KLHL32: variants seen among roughly 807,000 people sequenced by gnomAD.
KLHL32 encodes the protein kelch like family member 32.
KLHL32 carries 35 observed loss-of-function variants against 64.8 expected under a neutral mutation model. That is an observed-to-expected ratio of 0.54 (90% CI 0.41 to 0.72). KLHL32 has a LOEUF of 0.72. KLHL32 is among the 30% of genes least tolerant of loss of function. The pLI is 0.00. For missense variants in KLHL32, 589 were observed against 768.5 expected (o/e 0.77, Z 2.76); for synonymous variants, 259 against 281.0 (o/e 0.92, Z 0.78).
chr6:96,936,881 G>A (rs1036422017), intron 1 of KLHL32, among the ~76,000 whole-genome samples: 1 of 151,952 alleles, frequency 6.6e-6, no homozygotes, highest in Non-Finnish European at 1.5e-5. Flanking sequence ...CCTGCCTCCT[G>A]CCTACCCGCA....
chr6:97,093,653 A>T (rs904640629), intron 6 of KLHL32, among the ~76,000 whole-genome samples: 4 of 151,146 alleles, frequency 2.6e-5, no homozygotes, highest in South Asian at 2.1e-4. Context: ...AATGTCTCCA[A>T]TAAAGTCGTA....
At chr6:97,090,837 T>C (rs991652650) in intron 6 of KLHL32, among the ~76,000 whole-genome samples, 11 of 152,264 alleles carry the variant, frequency 7.2e-5, no homozygotes, top group African/African-American at 2.7e-4. Flanking sequence ...CTTTGGTCTA[T>C]AGCTTCTAAA....
At chr6:96,970,930 A>G (rs1407513945) in intron 2 of KLHL32, among the ~76,000 whole-genome samples, 2 of 152,154 alleles carry the variant, frequency 1.3e-5, no homozygotes, top group Non-Finnish European at 2.9e-5. Flanking sequence ...AATTTTCATG[A>G]AAAGATTTTG....
chr6:97,126,592 AG>A (rs1392294072), intron 7 of KLHL32, among the ~76,000 whole-genome samples: 1 of 152,132 alleles, frequency 6.6e-6, no homozygotes, highest in Non-Finnish European at 1.5e-5. Flanking sequence ...TGCACTGAAG[AG>A]CCCTAGATTT....
chr6:96,901,769 G>T, the KLHL32 span, among the ~76,000 whole-genome samples: 1 of 151,996 alleles, frequency 6.6e-6, no homozygotes, highest in South Asian at 2.1e-4. Context: ...AGTGTTTGTT[G>T]TTCCCCCTCC....
rs765250815 is a variant in KLHL32 at position 97,113,837 on chromosome 6, C to T, written c.682C>T (p.Leu228=). ...NCHYQYMDEL[L]QYIRFGLMDV... ...CCACTACCAGTACATGGACGAGCTC[C>T]TGCAATACATCCGCTTTGGCCTAAT... is the stretch of plus-strand genomic sequence containing the variant. Residue 228 remains leucine (L), a synonymous_variant, in exon 7 of 11, where the codon CTG becomes TTG. Transcript: ENST00000369261. The T allele has an allele frequency of 3.7e-6, 6 of 1,614,126 alleles. No homozygotes were observed. The South Asian group carries it at 6.6e-5, about 18-fold the overall frequency.
At chr6:97,084,385 G>A (rs1014799603) in intron 5 of KLHL32, among the ~76,000 whole-genome samples, 2 of 152,152 alleles carry the variant, frequency 1.3e-5, no homozygotes, top group African/African-American at 2.4e-5. Flanking sequence ...TAATTGTAGA[G>A]CCCTGGCTAT....
intron 6 of KLHL32, among the ~76,000 whole-genome samples, chr6:97,104,679 A>G (rs928324163): frequency 1.3e-5 from 2 of 152,192 alleles, no homozygotes; most frequent in African/African-American, 4.8e-5. Flanking sequence ...TTAATGTGCA[A>G]TCTCCCTTGA....
Position 97,064,633 on chromosome 6 carries a change from G to T in KLHL32, c.318G>T (p.Leu106Phe). 1.2e-6 allele frequency: 2 copies of T among 1,613,462 alleles called. No individual in the cohort carries two copies. Among genetic ancestry groups the T allele is most frequent in the South Asian group, 1.1e-5 (1 of 90,938 alleles). ...ALEFAYTGQI[L>F]LEPGVIQDVL... is the part of the protein sequence containing the mutation. ...TTTGTTAACAAACAAAACAGATTTT[G>T]CTGGAGCCAGGTGTGATCCAGGATG... is the stretch of plus-strand genomic sequence containing the variant. The change falls in exon 5 of 11, where the codon TTG (leucine) becomes TTT (phenylalanine). Residue 106 changes from leucine (L) to phenylalanine (F), a missense_variant. Coordinates refer to ENST00000369261, the MANE Select transcript of KLHL32 (RefSeq NM_052904.4).
In KLHL32 at chr6:97,064,195, C is replaced by A. The variant is rs1055205260; in HGVS notation, c.313-433C>A. Among the ~76,000 whole-genome samples, 116 of 152,116 alleles carry A rather than the reference C, an allele frequency of 7.6e-4. 1 individual carries two copies. Among genetic ancestry groups the A allele is most frequent in the African/African-American group, 2.7e-3 (112 of 41,410 alleles). On this transcript the variant is annotated intron_variant, in intron 4 of 10. Transcript: ENST00000369261. ...CTTATATGGCAAGGAGAAACATATGCCCCTTTCCCTAAAATACCTGTTTCT... is the reference window on the plus strand; with the variant it reads ...CTTATATGGCAAGGAGAAACATATGACCCTTTCCCTAAAATACCTGTTTCT...
the KLHL32 span, among the ~76,000 whole-genome samples, chr6:96,907,558 C>A: frequency 6.6e-6 from 1 of 152,148 alleles, no homozygotes; most frequent in East Asian, 1.9e-4. Context: ...ACTCTATGTA[C>A]AGGAAGCTCT....
chr6:96,966,953 G>T, intron 1 of KLHL32, 43 bp from the exon 2 acceptor site: 1 of 962,366 alleles, frequency 1.0e-6, no homozygotes. Flanking sequence ...GTGCTTTTCT[G>T]CATTTAGCTC....
At chr6:96,939,241 G>T (rs2127997890) in intron 1 of KLHL32, among the ~76,000 whole-genome samples, 4 of 152,238 alleles carry the variant, frequency 2.6e-5, no homozygotes, top group Admixed American at 2.6e-4. Context: ...TAAAAACATT[G>T]CCAGTTTTCT....
chr6:97,024,503 A>G (rs1782447920), intron 3 of KLHL32, among the ~76,000 whole-genome samples: 1 of 152,082 alleles, frequency 6.6e-6, no homozygotes, highest in African/African-American at 2.4e-5. Context: ...GTAAGTTACC[A>G]GGTAACAGTG....
At chr6:97,080,526 A>G in intron 5 of KLHL32, among the ~76,000 whole-genome samples, 1 of 152,202 alleles carries the variant, frequency 6.6e-6, no homozygotes, top group Non-Finnish European at 1.5e-5. Context: ...ATCTGCAGTT[A>G]AAGGGTGCTT....
intron 4 of KLHL32, among the ~76,000 whole-genome samples, chr6:97,058,860 T>C (rs550805216): frequency 6.6e-6 from 1 of 152,224 alleles, no homozygotes; most frequent in African/African-American, 2.4e-5. Context: ...CCAAATGTTA[T>C]TGGAAAAGTA....
chr6:97,139,126 G>A lies in KLHL32; in HGVS notation c.1707G>A (p.Leu569=). 6.2e-7 allele frequency: 1 copy of A among 1,613,378 alleles called. No homozygotes were observed. The highest frequency in any genetic ancestry group is 2.2e-5 in the East Asian group (1 of 44,834). ...CTTCTCTTCCTCTTTTGTAGGTACT[G>A]GATGTAAGCAGAGAAGGCAAAGAAG... ...TNEPLACIQV[L]DVSREGKEEV... is the part of the protein sequence containing the mutation. Residue 569 remains leucine, a synonymous_variant, in exon 11 of 11, where the codon CTG becomes CTA. Coordinates refer to ENST00000369261, the MANE Select transcript of KLHL32 (RefSeq NM_052904.4).
chr6:97,066,232 T>G (rs1789720168), intron 5 of KLHL32, among the ~76,000 whole-genome samples: 1 of 152,208 alleles, frequency 6.6e-6, no homozygotes, highest in South Asian at 2.1e-4. Context: ...TAGTAATCAG[T>G]GATGCATGCT....
chr6:97,030,460 T>C (rs551931741), intron 3 of KLHL32, among the ~76,000 whole-genome samples: 1 of 152,348 alleles, frequency 6.6e-6, no homozygotes, highest in South Asian at 2.1e-4. Flanking sequence ...GTGGATTATA[T>C]ACTCACAAAC....
Sources: allele counts gnomAD v4.1 joint callset (sites outside exome capture counted in the v4.1 genomes callset), GRCh38; gene constraint gnomAD v4.1.1; transcripts MANE v1.5; gene names NCBI Gene and HGNC (gene_info 2026-07-23, HGNC 2026-07-21).